The following ROBO2 variants were observed in gnomAD, a reference collection of about 807,000 sequenced individuals.
The protein encoded by ROBO2 is roundabout guidance receptor 2.
In ROBO2, 53 loss-of-function variants were observed where a neutral mutation model predicts 160.8. The observed-to-expected ratio is 0.33, with a 90% CI of 0.26 to 0.41. ROBO2 has a LOEUF of 0.41. Ranked by LOEUF, ROBO2 falls within the 10% of genes least tolerant of loss-of-function variation. The probability of loss-of-function intolerance (pLI) is 1.00; values close to 1 mark genes in which losing one functional copy is unlikely to be tolerated. For missense variants in ROBO2, 1,577 were observed against 1,722.4 expected, an observed-to-expected ratio of 0.92 and a Z score of 1.49; for synonymous variants, 664 against 611.7, an observed-to-expected ratio of 1.09 and a Z score of -1.26.
chr3:77,370,092 T>C (rs2071512140), intron 2 of ROBO2, among the ~76,000 whole-genome samples: 1 of 152,168 alleles, frequency 6.6e-6, no homozygotes, highest in East Asian at 1.9e-4. Context: ...TTGTAATGTT[T>C]CTGAAATAAT....
At chr3:77,277,212 C>CTTTCTTTCTTTCTTCTTTCT (rs762489739) in intron 2 of ROBO2, among the ~76,000 whole-genome samples, 22 of 80,074 alleles carry the variant, frequency 2.7e-4, no homozygotes, top group African/African-American at 1.1e-3. Context: ...TTCTTTCTTT[C>CTTTCTTTCTTTCTTCTTTCT]TTCTTTCTTT....
chr3:76,084,277 G>A (rs2068934241), intron 2 of ROBO2, among the ~76,000 whole-genome samples: 1 of 152,144 alleles, frequency 6.6e-6, no homozygotes, highest in Non-Finnish European at 1.5e-5. Flanking sequence ...GTCATATGAA[G>A]TAAGAAATGG....
chr3:76,032,872 C>T (rs1042837295), intron 2 of ROBO2, among the ~76,000 whole-genome samples: 3 of 152,016 alleles, frequency 2.0e-5, no homozygotes, highest in Admixed American at 1.3e-4. Context: ...TTTCAAAAAG[C>T]AATATTCATA....
intron 2 of ROBO2, among the ~76,000 whole-genome samples, chr3:76,910,345 C>T (rs3884322): frequency 0.29 from 43,654 of 151,742 alleles, 6,672 homozygotes; most frequent in East Asian, 0.36. Flanking sequence ...TATTCAAATT[C>T]TTCTTTTTTT....
chr3:76,596,009 CT>C (rs2086711309), intron 2 of ROBO2, among the ~76,000 whole-genome samples: 1 of 152,068 alleles, frequency 6.6e-6, no homozygotes, highest in Non-Finnish European at 1.5e-5. Flanking sequence ...CAAAGCTTGC[CT>C]TCAGAGCCAA....
chr3:77,319,184 G>C (rs527370623), intron 2 of ROBO2, among the ~76,000 whole-genome samples: 4 of 152,224 alleles, frequency 2.6e-5, no homozygotes, highest in South Asian at 2.1e-4. Context: ...CCAGGTGTTC[G>C]GAAGTTCATT....
At chr3:76,914,565 CA>C (rs1186492582) in intron 2 of ROBO2, among the ~76,000 whole-genome samples, 1 of 151,716 alleles carries the variant, frequency 6.6e-6, no homozygotes, top group African/African-American at 2.4e-5. Flanking sequence ...ATCTTGTTGC[CA>C]AGAAAATCTG....
intron 4 of ROBO2, among the ~76,000 whole-genome samples, chr3:77,484,239 C>T (rs964814501): frequency 1.3e-5 from 2 of 151,708 alleles, no homozygotes; most frequent in African/African-American, 4.8e-5. Flanking sequence ...AAGTATAGTC[C>T]CTAGAAGTTT....
intron 2 of ROBO2, among the ~76,000 whole-genome samples, chr3:76,885,518 C>T (rs890880009): frequency 1.2e-4 from 19 of 152,172 alleles, no homozygotes; most frequent in South Asian, 6.2e-4. Flanking sequence ...ATAAGCAAGC[C>T]CATGATTCCT....
At chr3:77,377,815 C>G (rs1031584559) in intron 2 of ROBO2, among the ~76,000 whole-genome samples, 1 of 152,182 alleles carries the variant, frequency 6.6e-6, no homozygotes, top group Admixed American at 6.5e-5. Context: ...TAACCCTTTC[C>G]CATTAGATTG....
At chr3:76,908,263 G>A (rs2075750091) in intron 2 of ROBO2, among the ~76,000 whole-genome samples, 1 of 152,072 alleles carries the variant, frequency 6.6e-6, no homozygotes, top group Non-Finnish European at 1.5e-5. Flanking sequence ...TCTGTCCTTT[G>A]GATGAAGTTT....
At chr3:77,161,210 C>T (rs543595264) in intron 2 of ROBO2, among the ~76,000 whole-genome samples, 2 of 152,110 alleles carry the variant, frequency 1.3e-5, no homozygotes, top group African/African-American at 2.4e-5. Flanking sequence ...ACATTATGAC[C>T]GTAATAATAA....
intron 2 of ROBO2, among the ~76,000 whole-genome samples, chr3:77,465,846 A>G (rs568838020): frequency 6.6e-6 from 1 of 152,174 alleles, no homozygotes; most frequent in Non-Finnish European, 1.5e-5. Flanking sequence ...CTTCAAGCAC[A>G]TTGTTCTCCA....
chr3:75,953,139 T>G (rs569570433), intron 2 of ROBO2, among the ~76,000 whole-genome samples: 9 of 152,044 alleles, frequency 5.9e-5, no homozygotes, highest in African/African-American at 1.9e-4. Flanking sequence ...CCAGGGAATG[T>G]AATTGCTGGG....
chr3:76,376,893 G>T (rs1559846669), intron 2 of ROBO2, among the ~76,000 whole-genome samples: 1 of 152,080 alleles, frequency 6.6e-6, no homozygotes, highest in Non-Finnish European at 1.5e-5. Flanking sequence ...CAGGGTTTAG[G>T]TTCTGGTTGT....
intron 2 of ROBO2, among the ~76,000 whole-genome samples, chr3:77,222,567 T>C (rs1301843175): frequency 6.6e-6 from 1 of 152,210 alleles, no homozygotes; most frequent in Admixed American, 6.5e-5. Flanking sequence ...CTGTTTTCCC[T>C]TCATGTGAGC....
chr3:77,455,981 T>A (rs1036293662), intron 2 of ROBO2, among the ~76,000 whole-genome samples: 1 of 152,262 alleles, frequency 6.6e-6, no homozygotes, highest in South Asian at 2.1e-4. Flanking sequence ...TTTCTCTTAT[T>A]AAAAATGAAT....
intron 2 of ROBO2, among the ~76,000 whole-genome samples, chr3:75,945,325 T>C (rs1157153762): frequency 1.3e-5 from 2 of 152,072 alleles, no homozygotes; most frequent in Admixed American, 6.6e-5. Context: ...ACAGAGAAGA[T>C]GGCAATTGGA....
At position 76,103,292 on chromosome 3, in the gene ROBO2, C is replaced by T. The variant is rs760892115; in HGVS notation, c.109+165690C>T. Reference sequence around the variant, plus strand: ...TTTAAATAACTGTGTGCTTTCTTGTCTATGTATATCATTAGATTATAATGA... The same window carrying T: ...TTTAAATAACTGTGTGCTTTCTTGTTTATGTATATCATTAGATTATAATGA... On this transcript the variant is annotated intron_variant, in intron 2 of 26. Transcript: ENST00000487694. Among the ~76,000 whole-genome samples the T allele has an allele frequency of 1.1e-3, 169 of 152,256 alleles. 4 individuals carry two copies. The highest frequency in any genetic ancestry group is 3.4e-3 in the Middle Eastern group (1 of 294).
Sources: gnomAD v4.1 joint callset for allele counts (sites outside exome capture counted in the v4.1 genomes callset) on GRCh38, gnomAD v4.1.1 for gene constraint, MANE v1.5 for transcripts, NCBI Gene and HGNC (gene_info 2026-07-23, HGNC 2026-07-21) for gene names.